SLC1A1: variants seen among roughly 807,000 people sequenced by gnomAD.
SLC1A1 encodes the protein excitatory amino acid transporter 3.
Under a neutral mutation model 53.3 loss-of-function variants are expected in SLC1A1, and 43 were observed. That is an observed-to-expected ratio of 0.81 (90% CI 0.63 to 1.04). The LOEUF (loss-of-function observed/expected upper bound fraction) is 1.04, where lower values mean the gene tolerates loss of function less well. SLC1A1 is among the 50% of genes least tolerant of loss of function. The probability of loss-of-function intolerance (pLI) is 0.00; values close to 1 mark genes in which losing one functional copy is unlikely to be tolerated. For synonymous variants in SLC1A1, 307 were observed against 243.2 expected, an observed-to-expected ratio of 1.26 and a Z score of -2.44; for missense variants, 748 against 664.9, an observed-to-expected ratio of 1.12 and a Z score of -1.37.
rs150505835 is a variant in SLC1A1 at position 4,561,977 on chromosome 9, T to C, written c.325+436T>C. Among the ~76,000 whole-genome samples, 1,298 of 152,144 alleles carry C rather than the reference T, an allele frequency of 8.5e-3. 25 individuals are homozygous for C. The highest frequency in any genetic ancestry group is 0.029 in the African/African-American group (1,223 of 41,492). ...TCTTCTATGTTGCCCAGGCTGGTCT[T>C]GAACTCTTGGGCTCAAGGGATCTGC... On this transcript the variant is annotated intron_variant, in intron 3 of 11. Coordinates refer to ENST00000262352, the MANE Select transcript of SLC1A1 (RefSeq NM_004170.6).
intron 5 of SLC1A1, among the ~76,000 whole-genome samples, chr9:4,566,967 G>T (rs1433253724): frequency 6.6e-6 from 1 of 152,158 alleles, no homozygotes; most frequent in Non-Finnish European, 1.5e-5. Context: ...CTCCACGAGG[G>T]ACAGAACCTC....
intron 1 of SLC1A1, among the ~76,000 whole-genome samples, chr9:4,498,143 T>C (rs565004156): frequency 1.3e-5 from 2 of 152,318 alleles, no homozygotes; most frequent in South Asian, 2.1e-4. Flanking sequence ...CCTCAGTTCA[T>C]TGCTGGGAGC....
chr9:4,532,228 T>C (rs975396026), intron 1 of SLC1A1, among the ~76,000 whole-genome samples: 1 of 151,444 alleles, frequency 6.6e-6, no homozygotes, highest in South Asian at 2.1e-4. Context: ...CGTTGACGAG[T>C]TGAGAGAAGA....
intron 1 of SLC1A1, among the ~76,000 whole-genome samples, chr9:4,491,665 G>T (rs1010801137): frequency 6.6e-6 from 1 of 152,160 alleles, no homozygotes; most frequent in African/African-American, 2.4e-5. Flanking sequence ...CCGGCCCGGG[G>T]ATGCACTTCC....
At chr9:4,528,023 C>T (rs1303719357) in intron 1 of SLC1A1, among the ~76,000 whole-genome samples, 2 of 152,154 alleles carry the variant, frequency 1.3e-5, no homozygotes, top group African/African-American at 2.4e-5. Context: ...ATTTCCCTCT[C>T]GTCACCCCCT....
At chr9:4,529,252 G>A (rs143459768) in intron 1 of SLC1A1, among the ~76,000 whole-genome samples, 134 of 152,230 alleles carry the variant, frequency 8.8e-4, no homozygotes, top group South Asian at 1.9e-3. Context: ...TTAGCTTGGC[G>A]TATGGGATCC....
intron 1 of SLC1A1, among the ~76,000 whole-genome samples, chr9:4,539,927 A>T (rs1269546502): frequency 6.6e-6 from 1 of 152,232 alleles, no homozygotes; most frequent in African/African-American, 2.4e-5. Flanking sequence ...GACAGGAGGC[A>T]GAGAAATTCT....
At chr9:4,517,048 T>A (rs1821184378) in intron 1 of SLC1A1, among the ~76,000 whole-genome samples, 1 of 152,218 alleles carries the variant, frequency 6.6e-6, no homozygotes, top group Non-Finnish European at 1.5e-5. Flanking sequence ...CTGTGTTACA[T>A]TATTATCTTT....
intron 6 of SLC1A1, among the ~76,000 whole-genome samples, chr9:4,569,918 CA>C (rs1481621704): frequency 6.6e-6 from 1 of 152,168 alleles, no homozygotes; most frequent in Non-Finnish European, 1.5e-5. Context: ...TGTCCTCACA[CA>C]AAGAATGATG....
chr9:4,573,843 C>A, intron 7 of SLC1A1, 64 bp from the exon 8 acceptor site: 1 of 1,146,540 alleles, frequency 8.7e-7, no homozygotes, highest in Non-Finnish European at 1.3e-6. Flanking sequence ...GTTCCTTCCC[C>A]ACCAACCTAG....
At chr9:4,497,710 T>C (rs16921367) in intron 1 of SLC1A1, among the ~76,000 whole-genome samples, 2,471 of 152,296 alleles carry the variant, frequency 0.016, 69 homozygotes, top group African/African-American at 0.056. Context: ...TTCTCAAAAC[T>C]AGATTACAGA....
chr9:4,552,072 T>C (rs1817974816), intron 2 of SLC1A1, among the ~76,000 whole-genome samples: 1 of 152,160 alleles, frequency 6.6e-6, no homozygotes, highest in African/African-American at 2.4e-5. Flanking sequence ...ACTAAACAGG[T>C]ATTAGACTTG....
chr9:4,543,426 A>G (rs79737050), intron 1 of SLC1A1, among the ~76,000 whole-genome samples: 4 of 152,226 alleles, frequency 2.6e-5, no homozygotes, highest in Non-Finnish European at 5.9e-5. Flanking sequence ...AAGCAGTTAG[A>G]TGTTATTAGA....
chr9:4,490,850 T>C (rs1820208818), intron 1 of SLC1A1, 80 bp downstream of exon 1: 5 of 1,237,900 alleles, frequency 4.0e-6, no homozygotes, highest in Admixed American at 1.9e-5. Flanking sequence ...GAGGGTGGGC[T>C]TGGCGCTGGC....
chr9:4,563,644 G>A (rs1413680933), intron 3 of SLC1A1, among the ~76,000 whole-genome samples: 1 of 152,080 alleles, frequency 6.6e-6, no homozygotes, highest in Non-Finnish European at 1.5e-5. Context: ...CAATGTCTTG[G>A]TCTCTTCTAC....
intron 1 of SLC1A1, among the ~76,000 whole-genome samples, chr9:4,499,006 A>T (rs1366296095): frequency 2.8e-5 from 4 of 144,052 alleles, no homozygotes; most frequent in African/African-American, 1.0e-4. Context: ...AAGATTATAT[A>T]TTATATATAT....
At chr9:4,490,865 T>C in intron 1 of SLC1A1, 95 bp downstream of exon 1, 1 of 1,058,112 alleles carries the variant, frequency 9.5e-7, no homozygotes. Flanking sequence ...GCTGGCGCAC[T>C]CCATGCAGGG....
At chr9:4,581,469 A>G (rs1586863956) in intron 10 of SLC1A1, among the ~76,000 whole-genome samples, 1 of 152,240 alleles carries the variant, frequency 6.6e-6, no homozygotes, top group South Asian at 2.1e-4. Context: ...TCAAGGCTCA[A>G]GGACAGAGTT....
intron 1 of SLC1A1, among the ~76,000 whole-genome samples, chr9:4,544,118 G>A (rs1320615280): frequency 6.6e-6 from 1 of 152,204 alleles, no homozygotes; most frequent in Non-Finnish European, 1.5e-5. Context: ...TGAGGCTGCA[G>A]TGAGCCGAGA....
Sources: gnomAD v4.1 joint callset for allele counts (sites outside exome capture counted in the v4.1 genomes callset) on GRCh38, gnomAD v4.1.1 for gene constraint, MANE v1.5 for transcripts, NCBI Gene and HGNC (gene_info 2026-07-23, HGNC 2026-07-21) for gene names.